Variants in LRRC7 observed in about 807,000 individuals in gnomAD.
LRRC7 encodes the protein leucine rich repeat containing 7, also known as leucine-rich repeat-containing protein 7.
A neutral mutation model predicts 175.7 loss-of-function variants in LRRC7; 23 were observed. That is an observed-to-expected ratio of 0.13 (90% CI 0.09 to 0.19). The LOEUF is 0.19. LRRC7 is among the 10% of genes least tolerant of loss of function. The pLI is 1.00. For missense variants in LRRC7, 1,354 were observed against 1,904.7 expected (o/e 0.71, Z 5.38); for synonymous variants, 685 against 680.9 (o/e 1.01, Z -0.09).
chr1:69,789,352 G>A (rs1674851735), intron 3 of LRRC7, among the ~76,000 whole-genome samples: 1 of 75,094 alleles, frequency 1.3e-5, no homozygotes, highest in African/African-American at 5.1e-5. Context: ...AAGTCTTTGA[G>A]AATCATTGAG....
chr1:69,837,717 A>G (rs1328757908), intron 6 of LRRC7, among the ~76,000 whole-genome samples: 1 of 151,792 alleles, frequency 6.6e-6, no homozygotes, highest in Non-Finnish European at 1.5e-5. Flanking sequence ...TATAAAACAT[A>G]TGAAATTTAG....
intron 1 of LRRC7, among the ~76,000 whole-genome samples, chr1:69,650,121 A>G (rs1254256144): frequency 1.3e-5 from 2 of 152,190 alleles, no homozygotes; most frequent in Non-Finnish European, 2.9e-5. Flanking sequence ...CTCCATTATT[A>G]ATTTTCTGGT....
At chr1:69,645,385 G>A (rs1014760314) in intron 1 of LRRC7, among the ~76,000 whole-genome samples, 6 of 151,966 alleles carry the variant, frequency 3.9e-5, no homozygotes, top group Non-Finnish European at 7.4e-5. Flanking sequence ...AGAGGCTCAG[G>A]CCTTCAGTTC....
rs183101141 is a variant in LRRC7 at position 69,733,337 on chromosome 1, A to G, written c.101-26854A>G. ...CTTGTTCCACTTCTCTGTGAACATG[A>G]CTTTCTTCAGATTATATGAAATGGC... On this transcript the variant is annotated intron_variant, in intron 2 of 26. Coordinates refer to ENST00000651989, the MANE Select transcript of LRRC7 (RefSeq NM_001370785.2). 1.3e-3 allele frequency among the ~76,000 whole-genome samples: 196 copies of G among 152,110 alleles called. 1 individual carries two copies. The Middle Eastern group carries it at 0.017, about 13-fold the overall frequency.
intron 7 of LRRC7, among the ~76,000 whole-genome samples, chr1:69,869,275 T>C (rs1229347544): frequency 2.6e-5 from 4 of 152,118 alleles, no homozygotes; most frequent in Admixed American, 1.3e-4. Flanking sequence ...GACAAATTAC[T>C]GAAATATTTA....
At chr1:70,060,683 T>A (rs1661512454) in intron 23 of LRRC7, among the ~76,000 whole-genome samples, 1 of 152,146 alleles carries the variant, frequency 6.6e-6, no homozygotes, top group Non-Finnish European at 1.5e-5. Context: ...GATATGAAAA[T>A]CAACCAGGTA....
chr1:69,964,895 C>T (rs1651505496), intron 8 of LRRC7, among the ~76,000 whole-genome samples: 1 of 152,116 alleles, frequency 6.6e-6, no homozygotes, highest in African/African-American at 2.4e-5. Flanking sequence ...GCATGGTTTC[C>T]AGATATTCTG....
At chr1:70,063,020 C>CA (rs1661700045) in intron 23 of LRRC7, among the ~76,000 whole-genome samples, 1 of 152,056 alleles carries the variant, frequency 6.6e-6, no homozygotes, top group South Asian at 2.1e-4. Context: ...TTCTTTAACT[C>CA]ACAAAGCATA....
intron 2 of LRRC7, among the ~76,000 whole-genome samples, chr1:69,702,038 A>G (rs992094259): frequency 6.6e-6 from 1 of 152,208 alleles, no homozygotes; most frequent in African/African-American, 2.4e-5. Flanking sequence ...ATATCCGAAA[A>G]CAAGGCATTG....
intron 3 of LRRC7, among the ~76,000 whole-genome samples, chr1:69,769,340 G>A (rs1310829554): frequency 6.6e-6 from 1 of 152,152 alleles, no homozygotes; most frequent in East Asian, 1.9e-4. Flanking sequence ...TTTAAAAAGA[G>A]CAAAGTAATC....
At chr1:69,961,355 A>G (rs1186698833) in intron 8 of LRRC7, among the ~76,000 whole-genome samples, 1 of 152,232 alleles carries the variant, frequency 6.6e-6, no homozygotes, top group Non-Finnish European at 1.5e-5. Context: ...ATGGAAAAAC[A>G]TTCCATGCTC....
chr1:69,662,151 C>A (rs1657560869), intron 1 of LRRC7, among the ~76,000 whole-genome samples: 1 of 152,148 alleles, frequency 6.6e-6, no homozygotes, highest in African/African-American at 2.4e-5. Context: ...ACTAAACCCA[C>A]AGGTCTTATC....
At chr1:70,059,377 C>CT (rs776245494) in intron 23 of LRRC7, among the ~76,000 whole-genome samples, 4 of 151,914 alleles carry the variant, frequency 2.6e-5, no homozygotes, top group Non-Finnish European at 5.9e-5. Flanking sequence ...TTTCTCACAT[C>CT]TACAATATCA....
At chr1:69,775,312 T>C (rs1261389343) in intron 3 of LRRC7, among the ~76,000 whole-genome samples, 1 of 152,244 alleles carries the variant, frequency 6.6e-6, no homozygotes, top group African/African-American at 2.4e-5. Flanking sequence ...ACTTGGTTAT[T>C]GAATGTTTTA....
chr1:70,039,394 G>C lies in LRRC7; in HGVS notation c.3570G>C (p.Leu1190=). ...RYGRPPYRGG[L]DRQSSVTVTE... is the part of the protein sequence containing the mutation. Reference sequence around the variant, plus strand: ...GCAGACCCCCATATAGGGGAGGGCTGGATCGCCAAAGCAGCGTTACAGTGA... The same window carrying C: ...GCAGACCCCCATATAGGGGAGGGCTCGATCGCCAAAGCAGCGTTACAGTGA... The change falls in exon 21 of 27, where the codon CTG becomes CTC. Residue 1190 remains leucine (L), a synonymous_variant. Transcript: ENST00000651989. 6.2e-7 allele frequency: 1 copy of C among 1,614,110 alleles called. No homozygotes were observed. The highest frequency in any genetic ancestry group is 8.5e-7 in the Non-Finnish European group (1 of 1,180,010).
intron 4 of LRRC7, among the ~76,000 whole-genome samples, chr1:69,795,374 C>A (rs1049796195): frequency 1.2e-4 from 12 of 100,000 alleles, no homozygotes; most frequent in African/African-American, 4.2e-4. Context: ...GACACCGTCT[C>A]GAAAAAAAAA....
chr1:69,834,584 T>G (rs1680899907), intron 5 of LRRC7, among the ~76,000 whole-genome samples, 196 bp from the exon 6 acceptor site: 1 of 152,122 alleles, frequency 6.6e-6, no homozygotes, highest in East Asian at 1.9e-4. Flanking sequence ...AGTGGATAAA[T>G]GCTATTTACT....
intron 7 of LRRC7, among the ~76,000 whole-genome samples, chr1:69,905,080 G>T (rs773475514): frequency 6.6e-6 from 1 of 152,020 alleles, no homozygotes; most frequent in Non-Finnish European, 1.5e-5. Context: ...ATCTACCATT[G>T]ATGGGCATTT....
At chr1:69,919,254 A>T (rs1042799542) in intron 7 of LRRC7, 2 of 445,694 alleles carry the variant, frequency 4.5e-6, no homozygotes, top group Non-Finnish European at 8.1e-6. Context: ...CTGTGGTTGT[A>T]GTACACAAGC....
Sources: allele counts gnomAD v4.1 joint callset (sites outside exome capture counted in the v4.1 genomes callset), GRCh38; gene constraint gnomAD v4.1.1; transcripts MANE v1.5; gene names NCBI Gene and HGNC (gene_info 2026-07-23, HGNC 2026-07-21).